ETV6: variants seen among roughly 807,000 people sequenced by gnomAD.
The protein encoded by ETV6 is transcription factor ETV6.
ETV6 carries 16 observed loss-of-function variants against 51.1 expected under a neutral mutation model. The ratio of observed to expected loss-of-function variants is 0.31; its 90% CI spans 0.21 to 0.48. The LOEUF is 0.48. Among genes scored for constraint, ETV6 ranks in the 20% least tolerant of loss-of-function variants. ETV6 has a pLI of 0.99. For missense variants in ETV6, 458 were observed against 594.8 expected (o/e 0.77, Z 2.39); for synonymous variants, 240 against 224.1 (o/e 1.07, Z -0.64).
intron 3 of ETV6, among the ~76,000 whole-genome samples, chr12:11,841,436 A>G (rs1303118519): frequency 1.3e-5 from 2 of 152,222 alleles, no homozygotes; most frequent in Non-Finnish European, 2.9e-5. Context: ...GGTGGGATTG[A>G]GTAGGCAGAG....
chr12:11,657,368 A>G (rs1054646964), intron 1 of ETV6, among the ~76,000 whole-genome samples: 3 of 152,254 alleles, frequency 2.0e-5, no homozygotes. Context: ...TTCAGAAAGC[A>G]TAGCTTCCTT....
chr12:11,665,966 T>A (rs1864186197), intron 1 of ETV6, among the ~76,000 whole-genome samples: 1 of 152,182 alleles, frequency 6.6e-6, no homozygotes, highest in Non-Finnish European at 1.5e-5. Context: ...CCAAGATAAA[T>A]GAATGTATTA....
At chr12:11,845,076 A>G (rs1946442053) in intron 3 of ETV6, among the ~76,000 whole-genome samples, 1 of 152,110 alleles carries the variant, frequency 6.6e-6, no homozygotes, top group Admixed American at 6.5e-5. Flanking sequence ...TGATCTACCC[A>G]CTTTGGCCTC....
chr12:11,691,624 C>T (rs147784113), intron 1 of ETV6, among the ~76,000 whole-genome samples: 5 of 152,284 alleles, frequency 3.3e-5, no homozygotes, highest in African/African-American at 1.2e-4. Flanking sequence ...TACTTTTTTA[C>T]TTAACGTCTC....
intron 2 of ETV6, among the ~76,000 whole-genome samples, chr12:11,814,022 T>C (rs561394240): frequency 1.2e-3 from 186 of 152,370 alleles, no homozygotes; most frequent in African/African-American, 4.3e-3. Flanking sequence ...TTGATTCTTT[T>C]AACATCATAA....
At chr12:11,666,742 C>G (rs747891831) in intron 1 of ETV6, among the ~76,000 whole-genome samples, 2 of 152,216 alleles carry the variant, frequency 1.3e-5, no homozygotes, top group Non-Finnish European at 2.9e-5. Flanking sequence ...AACCAGACCC[C>G]AGCAAGAGTC....
intron 2 of ETV6, among the ~76,000 whole-genome samples, chr12:11,794,930 A>G (rs1407374925): frequency 6.6e-6 from 1 of 152,192 alleles, no homozygotes; most frequent in Non-Finnish European, 1.5e-5. Flanking sequence ...AAACTTAATA[A>G]TTCATCTTAC....
intron 2 of ETV6, among the ~76,000 whole-genome samples, chr12:11,813,587 C>T (rs185872060): frequency 4.7e-4 from 71 of 152,092 alleles, no homozygotes; most frequent in African/African-American, 1.7e-3. Context: ...CTCTGCCTCC[C>T]TCCCTCCCTC....
chr12:11,678,730 A>AAGCCACTGGT (rs1218142715), intron 1 of ETV6, among the ~76,000 whole-genome samples: 1 of 152,222 alleles, frequency 6.6e-6, no homozygotes, highest in East Asian at 1.9e-4. Context: ...AGACCCAGGA[A>AAGCCACTGGT]AGCCACTGGT....
intron 1 of ETV6, among the ~76,000 whole-genome samples, chr12:11,665,287 C>A (rs1864173656): frequency 6.6e-6 from 1 of 152,264 alleles, no homozygotes; most frequent in Non-Finnish European, 1.5e-5. Flanking sequence ...GCATGAGCCA[C>A]TATGCCCATC....
At position 11,893,823 on chromosome 12, in the gene ETV6, TATATATATATATATATATACAC is replaced by T. The variant is rs1947342367; in HGVS notation, c.*2779_*2800del. 8 of 126,848 alleles carry T rather than the reference TATATATATATATATATATACAC, an allele frequency of 6.3e-5. No individual in the cohort carries two copies. The highest frequency in any genetic ancestry group is 2.5e-4 in the South Asian group (1 of 4,068). 7.9% of individuals were successfully genotyped at this position (126,848 alleles called of 1,614,324 possible). A position where few individuals can be genotyped will look rare whatever the true frequency, so the allele number is the denominator to read the frequency against. On this transcript the variant is annotated 3_prime_UTR_variant, in exon 8 of 8. Coordinates refer to ENST00000396373, the MANE Select transcript of ETV6 (RefSeq NM_001987.5). ...ATATATATATATATATATATATATA[TATATATATATATATATATACAC>T]ACACACACACATACACAAATATTCC...
chr12:11,789,272 T>C (rs1945542802), intron 2 of ETV6, among the ~76,000 whole-genome samples: 1 of 152,170 alleles, frequency 6.6e-6, no homozygotes, highest in Admixed American at 6.5e-5. Context: ...GACCTCACGA[T>C]TCGCCCGCCT....
rs578200139 is a variant in ETV6 at position 11,699,723 on chromosome 12, A to G, written c.33+49563A>G. On this transcript the variant is annotated intron_variant, in intron 1 of 7. Transcript: ENST00000396373. ...GAAAATGCTCTTCTGGGTCAGACCCAGCCCCACATCCCAAAATGTTGTGGC... is the reference window on the plus strand; with the variant it reads ...GAAAATGCTCTTCTGGGTCAGACCCGGCCCCACATCCCAAAATGTTGTGGC... 6.8e-4 allele frequency among the ~76,000 whole-genome samples: 103 copies of G among 152,280 alleles called. No homozygotes were observed. In the Middle Eastern group the frequency reaches 0.014, roughly 20 times the overall value.
chr12:11,878,745 T>C (rs763817959), intron 5 of ETV6, among the ~76,000 whole-genome samples: 33 of 150,908 alleles, frequency 2.2e-4, no homozygotes, highest in Non-Finnish European at 3.2e-4. Flanking sequence ...CACCTCTGCG[T>C]ATCAACACAC....
chr12:11,663,817 AAAAAT>A (rs1864145976), intron 1 of ETV6, among the ~76,000 whole-genome samples: 2 of 152,092 alleles, frequency 1.3e-5, no homozygotes, highest in Non-Finnish European at 2.9e-5. Flanking sequence ...GGTGAACTGA[AAAAAT>A]AAAGTGTTGT....
intron 5 of ETV6, among the ~76,000 whole-genome samples, chr12:11,872,491 T>C (rs969913349): frequency 1.9e-5 from 2 of 104,118 alleles, no homozygotes; most frequent in Non-Finnish European, 3.7e-5. Context: ...TAAAATTATA[T>C]TACTTTTTTT....
intron 2 of ETV6, among the ~76,000 whole-genome samples, chr12:11,812,775 AT>A (rs1394758493): frequency 6.6e-6 from 1 of 152,146 alleles, no homozygotes; most frequent in African/African-American, 2.4e-5. Context: ...AAGGCCTAAG[AT>A]TTAAAGGGTT....
At position 11,804,913 on chromosome 12, in the gene ETV6, C is replaced by T. The variant is rs56155334; in HGVS notation, c.164-34227C>T. 9.3e-3 allele frequency among the ~76,000 whole-genome samples: 1,421 copies of T among 152,206 alleles called. 25 individuals are homozygous for T. The highest frequency in any genetic ancestry group is 0.032 in the African/African-American group (1,345 of 41,496). On this transcript the variant is annotated intron_variant, in intron 2 of 7. Transcript: ENST00000396373. ...TGTCCAAAAAGAAATCCTGTGGGCT[C>T]CTCCTTAGAAAGAGTCAATATATGA...
chr12:11,796,958 T>A (rs969566168), intron 2 of ETV6, among the ~76,000 whole-genome samples: 40 of 152,242 alleles, frequency 2.6e-4, no homozygotes, highest in African/African-American at 9.6e-4. Flanking sequence ...AGCTAATTTT[T>A]AAAATTTTTG....
Sources: gnomAD v4.1 joint callset for allele counts (sites outside exome capture counted in the v4.1 genomes callset) on GRCh38, gnomAD v4.1.1 for gene constraint, MANE v1.5 for transcripts, NCBI Gene and HGNC (gene_info 2026-07-23, HGNC 2026-07-21) for gene names.